Variants in TACC1 observed in about 807,000 individuals in gnomAD.
The protein encoded by TACC1 is transforming acidic coiled-coil containing protein 1.
TACC1 carries 48 observed loss-of-function variants against 84.4 expected under a neutral mutation model. That is an observed-to-expected ratio of 0.57 (90% CI 0.45 to 0.72). The LOEUF (loss-of-function observed/expected upper bound fraction) is 0.72. TACC1 is among the 30% of genes least tolerant of loss of function. The pLI, the probability that TACC1 is intolerant of heterozygous loss-of-function variation, is 0.00. For missense variants in TACC1, 920 were observed against 973.0 expected (o/e 0.95, Z 0.72); for synonymous variants, 372 against 376.3 (o/e 0.99, Z 0.13).
At chr8:38,763,676 G>A (rs1811660334) in intron 3 of TACC1, among the ~76,000 whole-genome samples, 1 of 152,088 alleles carries the variant, frequency 6.6e-6, no homozygotes, top group Non-Finnish European at 1.5e-5. Flanking sequence ...TTTCAAAAAT[G>A]GGGTTCTGCT....
intron 3 of TACC1, among the ~76,000 whole-genome samples, chr8:38,764,002 C>T (rs1248387060): frequency 6.6e-6 from 1 of 152,098 alleles, no homozygotes; most frequent in East Asian, 1.9e-4. Context: ...CTATATATTG[C>T]CAAATTTCCC....
At chr8:38,827,050 G>T in intron 4 of TACC1, 118 bp from the exon 5 acceptor site, 1 of 816,160 alleles carries the variant, frequency 1.2e-6, no homozygotes. Flanking sequence ...CCAGGTCTGT[G>T]GTTAACCTCT....
At chr8:38,827,044 G>A in intron 4 of TACC1, 124 bp from the exon 5 acceptor site, 1 of 752,228 alleles carries the variant, frequency 1.3e-6, no homozygotes, top group Admixed American at 2.8e-5. Flanking sequence ...TTGTACCCAG[G>A]TCTGTGGTTA....
In TACC1 at chr8:38,842,397, C is replaced by T. The variant is rs767165581; in HGVS notation, c.2071C>T (p.Leu691Phe). The change falls in exon 10 of 13, where the codon CTC becomes TTC. Residue 691 changes from leucine to phenylalanine, a missense_variant. Physicochemically the swap from Leu to Phe is conservative, Grantham distance 22 (BLOSUM62 0). This residue lies in a region of TACC1 where 158 missense variants were observed against 225.6 expected (regional missense o/e 0.70). Transcript: ENST00000317827. Reference protein sequence around the residue: ...LNSVERSLSDLFRRYENLKGV... With the variant: ...LNSVERSLSDFFRRYENLKGV... The stretch of plus-strand genomic sequence containing the variant: ...CTCTGTGGAAAGGTCCCTTTCTGAT[C>T]TCTTCAGGAGATATGAGAACCTGAA... 1.2e-6 allele frequency: 2 copies of T among 1,614,180 alleles called. No homozygotes were observed. The highest frequency in any genetic ancestry group is 2.2e-5 in the South Asian group (2 of 91,080).
intron 3 of TACC1, among the ~76,000 whole-genome samples, chr8:38,768,205 C>T (rs149023902): frequency 2.6e-5 from 4 of 152,138 alleles, no homozygotes; most frequent in Admixed American, 1.3e-4. Context: ...TTCTGCTGGT[C>T]GGGATCCTGC....
chr8:38,731,349 C>T (rs1030827795), intron 1 of TACC1, among the ~76,000 whole-genome samples: 1 of 152,184 alleles, frequency 6.6e-6, no homozygotes, highest in Non-Finnish European at 1.5e-5. Context: ...ATTACACAAA[C>T]CTGTGTGCCT....
chr8:38,729,490 T>C (rs1804499239), intron 1 of TACC1, among the ~76,000 whole-genome samples: 1 of 152,252 alleles, frequency 6.6e-6, no homozygotes, highest in African/African-American at 2.4e-5. Context: ...GAACTCAGCA[T>C]GGCTTCTGCA....
chr8:38,810,981 G>A (rs1425467678), intron 2 of TACC1, among the ~76,000 whole-genome samples: 1 of 152,134 alleles, frequency 6.6e-6, no homozygotes, highest in Non-Finnish European at 1.5e-5. Flanking sequence ...CTAGCTGGGT[G>A]TGGTGGTGTG....
rs1048374244 is a variant in TACC1 at position 38,843,386 on chromosome 8, A to C, written c.2219A>C (p.Lys740Thr). The change falls in exon 11 of 13, where the codon AAA becomes ACA. Residue 740 changes from lysine (K) to threonine (T), a missense_variant. Physicochemically the swap from Lys to Thr is moderately conservative, Grantham distance 78 (BLOSUM62 -1). This residue lies in a region of TACC1 where 158 missense variants were observed against 225.6 expected (regional missense o/e 0.70). Coordinates refer to ENST00000317827, the MANE Select transcript of TACC1 (RefSeq NM_006283.3). ...GCCCTGAAAATCCACGCAGAAGAGA[A>C]ACTGGACAAGTAAGAGCTTGTAAAT... ...YQALKIHAEEKLDKANEEIAQ... is the reference protein window; with the variant it reads ...YQALKIHAEETLDKANEEIAQ... The C allele has an allele frequency of 1.2e-6, 2 of 1,605,028 alleles. No homozygotes were observed. Among genetic ancestry groups the C allele is most frequent in the Admixed American group, 3.4e-5 (2 of 58,704 alleles).
At chr8:38,744,881 G>T (rs1468176930) in intron 2 of TACC1, 1 of 152,172 alleles carries the variant, frequency 6.6e-6, no homozygotes, top group Non-Finnish European at 1.5e-5. Flanking sequence ...TGGGTATTAT[G>T]ACCATTCCTG....
Position 38,730,953 on chromosome 8 carries a change from G to C in TACC1, c.-675+2282G>C, listed in dbSNP as rs765236871. Among the ~76,000 whole-genome samples the C allele has an allele frequency of 2.4e-4, 36 of 152,170 alleles. 1 individual carries two copies. Among genetic ancestry groups the C allele is most frequent in the South Asian group, 2.3e-3 (11 of 4,824 alleles). ...TTTTATTTTTTAGATACAGGGTCTT[G>C]CTGTGTCATCCAGGCTGGAGTGCAG... On this transcript the variant is annotated intron_variant, in intron 1 of 14. Transcript: ENST00000518415.
chr8:38,788,951 T>C, intron 2 of TACC1, 132 bp downstream of exon 2: 1 of 689,028 alleles, frequency 1.5e-6, no homozygotes, highest in Non-Finnish European at 2.4e-6. Flanking sequence ...GTTTGAAACC[T>C]CCTGGCTTAT....
chr8:38,731,260 A>G (rs1284050637), intron 1 of TACC1, among the ~76,000 whole-genome samples: 2 of 152,102 alleles, frequency 1.3e-5, no homozygotes, highest in Non-Finnish European at 2.9e-5. Flanking sequence ...GTTCAATGGG[A>G]AAGTGCCAGG....
At chr8:38,774,291 ATATT>A (rs1335542043) in intron 3 of TACC1, among the ~76,000 whole-genome samples, 1 of 152,138 alleles carries the variant, frequency 6.6e-6, no homozygotes, top group South Asian at 2.1e-4. Context: ...TATATATTAC[ATATT>A]TATTTGTTGG....
At chr8:38,811,817 G>A (rs1016256967) in intron 2 of TACC1, among the ~76,000 whole-genome samples, 3 of 152,216 alleles carry the variant, frequency 2.0e-5, no homozygotes, top group African/African-American at 7.2e-5. Flanking sequence ...ACAACCATAA[G>A]GTCTGACTGC....
chr8:38,848,112 C>A lies in TACC1; in HGVS notation c.*89C>A. 1 of 1,291,932 alleles carries A rather than the reference C, an allele frequency of 7.7e-7. No individual in the cohort carries two copies. Among genetic ancestry groups the A allele is most frequent in the Non-Finnish European group, 1.1e-6 (1 of 923,964 alleles). 80.0% of individuals were successfully genotyped at this position (1,291,932 alleles called of 1,614,324 possible). ...TTGCCTTATCCAGGAATAATTGCCC[C>A]TTTGCAGAGAAAAAAAAAAACTTAA... is the stretch of plus-strand genomic sequence containing the variant. On this transcript the variant is annotated 3_prime_UTR_variant, in exon 13 of 13. Transcript: ENST00000317827.
chr8:38,752,222 G>A (rs1809173466), intron 3 of TACC1, among the ~76,000 whole-genome samples: 1 of 152,124 alleles, frequency 6.6e-6, no homozygotes, highest in Admixed American at 6.5e-5. Context: ...TGTAATCCCA[G>A]CACCTGACAG....
At chr8:38,781,424 C>G (rs1004838375) in intron 3 of TACC1, among the ~76,000 whole-genome samples, 7 of 151,442 alleles carry the variant, frequency 4.6e-5, no homozygotes, top group Non-Finnish European at 1.5e-5. Flanking sequence ...TTCTGTCCCC[C>G]AGGCTGGAGT....
chr8:38,842,517 A>G, intron 10 of TACC1, 70 bp downstream of exon 10: 1 of 1,477,972 alleles, frequency 6.8e-7, no homozygotes. Flanking sequence ...CTGGTCATCA[A>G]ATACATATGC....
Sources: allele counts gnomAD v4.1 joint callset (sites outside exome capture counted in the v4.1 genomes callset), GRCh38; gene constraint gnomAD v4.1.1; regional missense constraint gnomAD v4.1.1; transcripts MANE v1.5; gene names NCBI Gene and HGNC (gene_info 2026-07-23, HGNC 2026-07-21).